TPT1: variants seen among roughly 807,000 people sequenced by gnomAD.
The protein encoded by TPT1 is tumor protein, translationally-controlled 1, also known as translationally-controlled tumor protein.
Under a neutral mutation model 22.8 loss-of-function variants are expected in TPT1, and 5 were observed. The observed-to-expected ratio is 0.22, with a 90% CI of 0.11 to 0.46. The LOEUF is 0.46. Among genes scored for constraint, TPT1 ranks in the 20% least tolerant of loss-of-function variants. The pLI is 0.99. For missense variants in TPT1, 130 were observed against 218.7 expected (o/e 0.59, Z 2.56); for synonymous variants, 89 against 73.6 (o/e 1.21, Z -1.07).
intron 4 of TPT1, 97 bp downstream of exon 4, chr13:45,339,400 T>C: frequency 2.9e-6 from 3 of 1,043,598 alleles, no homozygotes; most frequent in Non-Finnish European, 4.1e-6. Context: ...TTTCTACACC[T>C]GGAATACTAG....
rs11552500 is a variant in TPT1, at chr13:45,341,095, C to T, written c.-26G>A. On this transcript the variant is annotated 5_prime_UTR_variant, in exon 1 of 6. Coordinates refer to ENST00000530705, the MANE Select transcript of TPT1 (RefSeq NM_003295.4). ...GATGGCGACTGAAGGGAGACGACGA[C>T]GGCGCTAGCTTAGCACGAGCCTGAA... The T allele has an allele frequency of 3.1e-6, 5 of 1,612,282 alleles. No homozygotes were observed. The highest frequency in any genetic ancestry group is 4.2e-6 in the Non-Finnish European group (5 of 1,179,098).
rs201796741 is a variant in TPT1 at position 45,337,374 on chromosome 13, T to C, written c.*12A>G. 648 of 1,613,836 alleles carry C rather than the reference T, an allele frequency of 4.0e-4. 1 individual carries two copies. In the Middle Eastern group the frequency reaches 6.8e-3, roughly 17 times the overall value. The stretch of plus-strand genomic sequence containing the variant: ...ATGACAGGTGATAGATCCAAAATAA[T>C]TGCCACATTTGTTACTGTAAAAGCA... On this transcript the variant is annotated 3_prime_UTR_variant, in exon 6 of 6. Transcript: ENST00000530705.
chr13:45,335,280 T>C lies in TPT1; in HGVS notation c.*2106A>G, dbSNP rs897611712. The C allele has an allele frequency of 6.6e-6, 1 of 152,212 alleles. No individual in the cohort carries two copies. The highest frequency in any genetic ancestry group is 2.4e-5 in the African/African-American group (1 of 41,452). 9.4% of individuals were successfully genotyped at this position (152,212 alleles called of 1,614,324 possible). ...TGGGGTTCATCACTTCTGACTTAAATAGACATGATAAAATGCTATGTCCCA... is the reference window on the plus strand; with the variant it reads ...TGGGGTTCATCACTTCTGACTTAAACAGACATGATAAAATGCTATGTCCCA... On this transcript the variant is annotated 3_prime_UTR_variant, in exon 6 of 6. Transcript: ENST00000530705.
chr13:45,340,975 T>A, intron 1 of TPT1, 67 bp downstream of exon 1: 1 of 1,568,422 alleles, frequency 6.4e-7, no homozygotes, highest in Non-Finnish European at 8.6e-7. Context: ...CGGCTGCGCC[T>A]TCCCCGCCCC....
At chr13:45,338,478 G>A in intron 5 of TPT1, 182 bp downstream of exon 5, 3 of 1,224,934 alleles carry the variant, frequency 2.4e-6, no homozygotes, top group East Asian at 2.7e-5. Context: ...AAGATTCTAA[G>A]CCTTTTTATA....
At position 45,340,799 on chromosome 13, in the gene TPT1, A is replaced by G. The variant is rs185342938; in HGVS notation, c.29-14T>C. The G allele has an allele frequency of 9.7e-4, 1,462 of 1,512,692 alleles. 13 individuals carry two copies. The South Asian group carries it at 0.013, about 13-fold the overall frequency. The allele number at this position is 1,512,692 out of a possible 1,614,324, so 93.7% of individuals were successfully genotyped here. A position where few individuals can be genotyped will look rare whatever the true frequency, so the allele number is the denominator to read the frequency against. ...ACATCTCATCGTCTGCCGGATACACAGAGCCGCCCATCACCGTGCGCCTGG... is the reference window on the plus strand; with the variant it reads ...ACATCTCATCGTCTGCCGGATACACGGAGCCGCCCATCACCGTGCGCCTGG... On this transcript the variant is annotated splice_polypyrimidine_tract_variant and intron_variant, in intron 1 of 5. Coordinates refer to ENST00000530705, the MANE Select transcript of TPT1 (RefSeq NM_003295.4).
chr13:45,335,594 A>G lies in TPT1; in HGVS notation c.*1792T>C, dbSNP rs958344505. ...CAGAGGACAAAAGGCCCTGTAGATG[A>G]GACTCACACTTTTCATTACAATGTC... On this transcript the variant is annotated 3_prime_UTR_variant, in exon 6 of 6. Coordinates refer to ENST00000530705, the MANE Select transcript of TPT1 (RefSeq NM_003295.4). The G allele has an allele frequency of 1.8e-4, 28 of 152,158 alleles. No homozygotes were observed. The highest frequency in any genetic ancestry group is 6.3e-4 in the African/African-American group (26 of 41,434). 9.4% of individuals were successfully genotyped at this position (152,158 alleles called of 1,614,324 possible).
chr13:45,335,970 T>C lies in TPT1; in HGVS notation c.*1416A>G, dbSNP rs146937305. The C allele has an allele frequency of 1.3e-5, 2 of 152,184 alleles. No individual in the cohort carries two copies. The highest frequency in any genetic ancestry group is 1.3e-4 in the Admixed American group (2 of 15,272). The allele number at this position is 152,184 out of a possible 1,614,324, so 9.4% of individuals were successfully genotyped here. A position where few individuals can be genotyped will look rare whatever the true frequency, so the allele number is the denominator to read the frequency against. On this transcript the variant is annotated 3_prime_UTR_variant, in exon 6 of 6. Transcript: ENST00000530705. ...AGAGTCACTGGCCTGCTTTTAATCT[T>C]TCTTTTACAAGTGTAATCAACCAGG...
intron 4 of TPT1, 21 bp from the exon 5 acceptor site, chr13:45,338,797 C>A: frequency 6.4e-7 from 1 of 1,561,016 alleles, no homozygotes; most frequent in Non-Finnish European, 8.7e-7. Flanking sequence ...AAACAAAATA[C>A]CTAGAATTAG....
chr13:45,340,597 GCGTCT>G, intron 2 of TPT1, 110 bp downstream of exon 2: 1 of 1,231,210 alleles, frequency 8.1e-7, no homozygotes, highest in Non-Finnish European at 1.2e-6. Flanking sequence ...CCCGGAAAGA[GCGTCT>G]CCTCCGCCAG....
rs961084945 is a variant in TPT1, at chr13:45,340,959, C to G, written c.28+83G>C. 4 of 1,553,982 alleles carry G rather than the reference C, an allele frequency of 2.6e-6. No homozygotes were observed. In the African/African-American group the frequency reaches 5.5e-5, roughly 21 times the overall value. ...CTAAGACCGCCGGCGTCCCCTAGGCCCGCGACGGCTGCGCCTTCCCCGCCC... is the reference window on the plus strand; with the variant it reads ...CTAAGACCGCCGGCGTCCCCTAGGCGCGCGACGGCTGCGCCTTCCCCGCCC... On this transcript the variant is annotated intron_variant, in intron 1 of 5. Coordinates refer to ENST00000530705, the MANE Select transcript of TPT1 (RefSeq NM_003295.4).
At position 45,340,731 on chromosome 13, in the gene TPT1, C is replaced by A; in HGVS notation, c.83G>T (p.Cys28Phe). The change falls in exon 2 of 6, where the codon TGC becomes TTC. Residue 28 changes from cysteine (C) to phenylalanine (F), a missense_variant. Physicochemically the swap from Cys to Phe is radical, Grantham distance 205 (BLOSUM62 -2). Transcript: ENST00000530705. ...ACTCACCTTCCCCTCCACCTCCAGG[C>A]ACAACCCGTCCGCGATCTCCCGGAT... The part of the protein sequence containing the change: ...YKIREIADGL[C>F]LEVEGKMVSR... The A allele has an allele frequency of 1.3e-6, 2 of 1,527,240 alleles. No individual in the cohort carries two copies. The highest frequency in any genetic ancestry group is 1.3e-5 in the South Asian group (1 of 77,236). 94.6% of individuals were successfully genotyped at this position (1,527,240 alleles called of 1,614,324 possible).
chr13:45,340,976 T>TCCCCCC, intron 1 of TPT1, 66 bp downstream of exon 1: 1 of 1,569,906 alleles, frequency 6.4e-7, no homozygotes, highest in Non-Finnish European at 8.6e-7. Context: ...GGCTGCGCCT[T>TCCCCCC]CCCCGCCCCC....
At position 45,335,211 on chromosome 13, in the gene TPT1, G is replaced by A. The variant is rs193047298; in HGVS notation, c.*2175C>T. ...TGAGACAGTCTTCAAAGTCTGAGAAGATTCTACCTGGAATCTTCAAAGGTT... is the reference window on the plus strand; with the variant it reads ...TGAGACAGTCTTCAAAGTCTGAGAAAATTCTACCTGGAATCTTCAAAGGTT... On this transcript the variant is annotated 3_prime_UTR_variant, in exon 6 of 6. Coordinates refer to ENST00000530705, the MANE Select transcript of TPT1 (RefSeq NM_003295.4). 6.6e-6 allele frequency: 1 copy of A among 152,204 alleles called. No individual in the cohort carries two copies. The highest frequency in any genetic ancestry group is 1.5e-5 in the Non-Finnish European group (1 of 68,040). 9.4% of individuals were successfully genotyped at this position (152,204 alleles called of 1,614,324 possible).
chr13:45,337,629 C>G, intron 5 of TPT1: 1 of 1,501,580 alleles, frequency 6.7e-7, no homozygotes. Flanking sequence ...ACCAAATCAG[C>G]GGTAGCTCAT....
intron 1 of TPT1, 34 bp downstream of exon 1, chr13:45,341,008 G>A (rs538746684): frequency 1.9e-6 from 3 of 1,606,678 alleles, no homozygotes; most frequent in South Asian, 2.2e-5. Context: ...AGACCCCCGT[G>A]TGCGGCAGTA....
At position 45,337,398 on chromosome 13, in the gene TPT1, C is replaced by T. The variant is rs1878770617; in HGVS notation, c.517-10G>A. 1.2e-6 allele frequency: 2 copies of T among 1,613,878 alleles called. No homozygotes were observed. Among genetic ancestry groups the T allele is most frequent in the Non-Finnish European group, 1.7e-6 (2 of 1,180,000 alleles). On this transcript the variant is annotated splice_polypyrimidine_tract_variant and intron_variant, in intron 5 of 5. Transcript: ENST00000530705. ...ATTGCCACATTTGTTACTGTAAAAG[C>T]AAAAACTACATTAATATTTTTCAAA...
intron 4 of TPT1, 84 bp from the exon 5 acceptor site, chr13:45,338,860 G>A (rs1878890619): frequency 8.5e-7 from 1 of 1,174,858 alleles, no homozygotes; most frequent in Non-Finnish European, 1.2e-6. Flanking sequence ...ACAAGGGAAG[G>A]TTTAGACCAC....
chr13:45,340,093 G>A lies in TPT1; in HGVS notation c.194C>T (p.Thr65Ile). 1 of 1,614,148 alleles carries A rather than the reference G, an allele frequency of 6.2e-7. No homozygotes were observed. The highest frequency in any genetic ancestry group is 8.5e-7 in the Non-Finnish European group (1 of 1,180,036). ...EGPEGEGTES[T>I]VITGVDIVMN... ...GACAATATCGACACCAGTGATTACTGTGCTTTCGGTACCTTCGCCCTCGGG... is the reference window on the plus strand; with the variant it reads ...GACAATATCGACACCAGTGATTACTATGCTTTCGGTACCTTCGCCCTCGGG... Residue 65 changes from threonine (T) to isoleucine (I), a missense_variant, in exon 3 of 6, where the codon ACA becomes ATA. Transcript: ENST00000530705.
Sources: gnomAD v4.1 joint callset for allele counts on GRCh38, gnomAD v4.1.1 for gene constraint, MANE v1.5 for transcripts, NCBI Gene and HGNC (gene_info 2026-07-23, HGNC 2026-07-21) for gene names.